The following GPC3 variants were observed in gnomAD, a reference collection of about 807,000 sequenced individuals.
GPC3 encodes glypican-3.
A neutral mutation model predicts 34.4 loss-of-function variants in GPC3; 3 were observed. The observed-to-expected ratio is 0.09, with a 90% CI of 0.04 to 0.23. The LOEUF is 0.23. Among genes scored for constraint, GPC3 ranks in the 10% least tolerant of loss-of-function variants. GPC3 has a pLI of 1.00. For missense variants in GPC3, 351 were observed against 445.6 expected, an observed-to-expected ratio of 0.79 and a Z score of 1.91; for synonymous variants, 177 against 174.0, an observed-to-expected ratio of 1.02 and a Z score of -0.13.
chrX:133,593,330 C>CAAAAAAAAAAAAAAAAAAAAAAA (rs756083308), intron 7 of GPC3, among the ~76,000 whole-genome samples: 1 of 9,892 alleles, frequency 1.0e-4, no homozygotes, highest in African/African-American at 3.4e-4. Flanking sequence ...GAGACTGTCT[C>CAAAAAAAAAAAAAAAAAAAAAAA]AAAAAAAAAA....
intron 1 of GPC3, among the ~76,000 whole-genome samples, chrX:133,964,561 T>C: frequency 8.9e-6 from 1 of 112,067 alleles, no homozygotes; most frequent in Non-Finnish European, 1.9e-5. Flanking sequence ...TGATGACACA[T>C]GTAGACATTA....
intron 2 of GPC3, among the ~76,000 whole-genome samples, chrX:133,797,627 G>C (rs2075588713): frequency 9.0e-6 from 1 of 111,166 alleles, no homozygotes; most frequent in Non-Finnish European, 1.9e-5. Context: ...CCAGGAGTTT[G>C]AGACCAGCCT....
At chrX:133,928,887 G>A (rs774745040) in intron 2 of GPC3, among the ~76,000 whole-genome samples, 131 of 112,080 alleles carry the variant, frequency 1.2e-3, no homozygotes, top group African/African-American at 3.9e-3. Context: ...TTCCCAATCT[G>A]TAGGTTGCCT....
chrX:133,849,734 T>C (rs1004455558), intron 2 of GPC3, among the ~76,000 whole-genome samples: 1 of 111,396 alleles, frequency 9.0e-6, no homozygotes, highest in African/African-American at 3.3e-5. Context: ...AACTCAACTG[T>C]AATCTCTACC....
At chrX:133,609,524 C>T (rs892059467) in intron 6 of GPC3, among the ~76,000 whole-genome samples, 5 of 112,163 alleles carry the variant, frequency 4.5e-5, no homozygotes, top group African/African-American at 1.6e-4. Flanking sequence ...CACTGAACAC[C>T]GTAGTTCAAC....
chrX:133,623,716 T>G (rs1360770971), intron 6 of GPC3, among the ~76,000 whole-genome samples: 1 of 111,479 alleles, frequency 9.0e-6, no homozygotes, highest in Admixed American at 9.6e-5. Flanking sequence ...AATGGGAGAC[T>G]TTAACACCCC....
At chrX:133,818,048 A>ATTCCAAACTTGTTT in intron 2 of GPC3, among the ~76,000 whole-genome samples, 1 of 111,605 alleles carries the variant, frequency 9.0e-6, no homozygotes, top group South Asian at 3.8e-4. Flanking sequence ...TTGGAACAGG[A>ATTCCAAACTTGTTT]GAGGCACTGA....
At chrX:133,925,718 T>C (rs1204057934) in intron 2 of GPC3, among the ~76,000 whole-genome samples, 1 of 111,882 alleles carries the variant, frequency 8.9e-6, no homozygotes, top group Admixed American at 9.5e-5. Context: ...AACTCAACCA[T>C]GAGTGGCTGT....
chrX:133,674,086 G>C (rs2070858411), intron 5 of GPC3, among the ~76,000 whole-genome samples: 1 of 110,397 alleles, frequency 9.1e-6, no homozygotes, highest in African/African-American at 3.3e-5. Flanking sequence ...AATTAGCCAG[G>C]CATGGTGGTG....
intron 6 of GPC3, among the ~76,000 whole-genome samples, chrX:133,617,741 C>T (rs2070182148): frequency 9.0e-6 from 1 of 111,370 alleles, no homozygotes; most frequent in Non-Finnish European, 1.9e-5. Flanking sequence ...TATAATCAAT[C>T]CCTAGTTATT....
At chrX:133,702,732 T>A (rs1243585628) in intron 3 of GPC3, among the ~76,000 whole-genome samples, 1 of 111,448 alleles carries the variant, frequency 9.0e-6, no homozygotes, top group African/African-American at 3.3e-5. Flanking sequence ...TCAAGCCAAC[T>A]TTCCAAGGCT....
intron 2 of GPC3, among the ~76,000 whole-genome samples, chrX:133,878,637 T>A (rs746186941): frequency 2.7e-5 from 3 of 111,920 alleles, no homozygotes; most frequent in Non-Finnish European, 3.8e-5. Flanking sequence ...TTTTTTTACA[T>A]ACACTTCAGT....
chrX:133,758,239 T>C (rs767655105), intron 2 of GPC3, among the ~76,000 whole-genome samples: 1 of 111,744 alleles, frequency 8.9e-6, no homozygotes, highest in African/African-American at 3.3e-5. Context: ...ATTATAAAGA[T>C]ACATGCACAT....
intron 7 of GPC3, among the ~76,000 whole-genome samples, chrX:133,537,171 G>T (rs1402617562): frequency 8.9e-6 from 1 of 112,087 alleles, no homozygotes; most frequent in East Asian, 2.8e-4. Context: ...GCTGACCCTG[G>T]CCAAGGGCTC....
chrX:133,762,725 G>A (rs750363451), intron 2 of GPC3: 124 of 371,937 alleles, frequency 3.3e-4, no homozygotes, highest in African/African-American at 2.7e-3. Context: ...CAGCCTTTCC[G>A]CCCTGCCCAC....
intron 6 of GPC3, among the ~76,000 whole-genome samples, chrX:133,656,620 C>T (rs1460348566): frequency 8.9e-6 from 1 of 112,077 alleles, no homozygotes; most frequent in Admixed American, 9.5e-5. Flanking sequence ...ACATGGTTAA[C>T]ATGATTCGAA....
At position 133,748,304 on chromosome X, in the gene GPC3, T is replaced by C. The variant is rs750154679; in HGVS notation, c.1032+5178A>G. 5.3e-5 allele frequency among the ~76,000 whole-genome samples: 6 copies of C among 112,181 alleles called. No homozygotes were observed. In the Middle Eastern group the frequency reaches 0.014, roughly 256 times the overall value. On this transcript the variant is annotated intron_variant, in intron 3 of 7. Transcript: ENST00000370818. ...TGGGTGTAACAACACTGAAAATATA[T>C]GTATTGCAAAATGGTACATATTTGC...
chrX:133,690,159 A>G (rs2071048447), intron 5 of GPC3, among the ~76,000 whole-genome samples: 1 of 111,620 alleles, frequency 9.0e-6, no homozygotes, highest in Non-Finnish European at 1.9e-5. Context: ...TCAGTGCCTC[A>G]TTCAGGGTGG....
At chrX:133,886,498 T>C (rs1479169825) in intron 2 of GPC3, among the ~76,000 whole-genome samples, 3 of 112,105 alleles carry the variant, frequency 2.7e-5, no homozygotes, top group Non-Finnish European at 5.6e-5. Flanking sequence ...GTATATACTG[T>C]AGAATGATTG....
Sources: gnomAD v4.1 joint callset for allele counts (sites outside exome capture counted in the v4.1 genomes callset) on GRCh38, gnomAD v4.1.1 for gene constraint, MANE v1.5 for transcripts, NCBI Gene and HGNC (gene_info 2026-07-23, HGNC 2026-07-21) for gene names.